ACSS3: variants seen among roughly 807,000 people sequenced by gnomAD.
ACSS3 encodes the protein acyl-CoA synthetase short-chain family member 3, mitochondrial.
ACSS3 carries 64 observed loss-of-function variants against 84.2 expected under a neutral mutation model. The observed-to-expected ratio is 0.76, with a 90% CI of 0.62 to 0.94. The LOEUF is 0.94. Among genes scored for constraint, ACSS3 ranks in the 40% least tolerant of loss-of-function variants. ACSS3 has a pLI of 0.00. For synonymous variants in ACSS3, 317 were observed against 310.1 expected (o/e 1.02, Z -0.23); for missense variants, 815 against 867.6 (o/e 0.94, Z 0.76).
intron 11 of ACSS3, among the ~76,000 whole-genome samples, chr12:81,226,535 C>T (rs769076593): frequency 1.3e-5 from 2 of 151,746 alleles, no homozygotes; most frequent in African/African-American, 4.8e-5. Flanking sequence ...TACTTGATAA[C>T]TCCATTTATG....
rs765167746 is a variant in ACSS3, at chr12:81,258,751, A to G, written c.*3829A>G. On this transcript the variant is annotated 3_prime_UTR_variant, in exon 16 of 16. Coordinates refer to ENST00000548058, the MANE Select transcript of ACSS3 (RefSeq NM_024560.4). ...AGGTATCTTGGGTTTCGTTTTCTCT[A>G]GTGGAAATGAGCCTCAGACTCTGCG... 14 of 152,096 alleles carry G rather than the reference A, an allele frequency of 9.2e-5. No individual in the cohort carries two copies. The highest frequency in any genetic ancestry group is 7.9e-4 in the Admixed American group (12 of 15,238). 9.4% of individuals were successfully genotyped at this position (152,096 alleles called of 1,614,324 possible).
intron 7 of ACSS3, among the ~76,000 whole-genome samples, chr12:81,163,441 T>A (rs936021469): frequency 2.0e-5 from 3 of 152,226 alleles, no homozygotes; most frequent in Non-Finnish European, 2.9e-5. Flanking sequence ...CATGCAATTA[T>A]GTGCAGCACA....
chr12:81,121,617 A>G (rs1283890420), intron 2 of ACSS3, among the ~76,000 whole-genome samples: 2 of 152,188 alleles, frequency 1.3e-5, no homozygotes, highest in African/African-American at 4.8e-5. Context: ...GAACAAACCC[A>G]CAAAGCTAAT....
chr12:81,183,402 G>T lies in ACSS3; in HGVS notation c.1250+8463G>T, dbSNP rs142951426. On this transcript the variant is annotated intron_variant, in intron 8 of 15. Coordinates refer to ENST00000548058, the MANE Select transcript of ACSS3 (RefSeq NM_024560.4). ...AAGGTAGACAACAAGAAAGGAAAAA[G>T]GAACACAGAAGCTACAAAATAACTA... Among the ~76,000 whole-genome samples the T allele has an allele frequency of 2.1e-3, 313 of 152,206 alleles. 5 individuals carry two copies. Among genetic ancestry groups the T allele is most frequent in the Non-Finnish European group, 2.4e-4 (16 of 67,966 alleles).
intron 8 of ACSS3, among the ~76,000 whole-genome samples, chr12:81,191,272 A>C (rs1329736903): frequency 6.6e-6 from 1 of 152,124 alleles, no homozygotes; most frequent in African/African-American, 2.4e-5. Flanking sequence ...ACATGTATCC[A>C]TCATTATAGC....
chr12:81,113,499 C>G (rs1883777639), intron 2 of ACSS3, among the ~76,000 whole-genome samples: 1 of 151,890 alleles, frequency 6.6e-6, no homozygotes, highest in Non-Finnish European at 1.5e-5. Context: ...TTTTATTTGT[C>G]TCTCTTTTTT....
chr12:81,236,063 A>ATTT (rs2033621033), intron 13 of ACSS3, among the ~76,000 whole-genome samples: 1 of 151,480 alleles, frequency 6.6e-6, no homozygotes, highest in Non-Finnish European at 1.5e-5. Context: ...TCTTAGGGTA[A>ATTT]AGGCAAGAAT....
Position 81,201,409 on chromosome 12 carries a change from A to G in ACSS3, c.1354+1965A>G, listed in dbSNP as rs559831285. On this transcript the variant is annotated intron_variant, in intron 9 of 15. Coordinates refer to ENST00000548058, the MANE Select transcript of ACSS3 (RefSeq NM_024560.4). ...GTGCCAAAACTCACTGAAGAAAACT[A>G]GCACATTCACAAATAAAATTATAAA... 1.8e-4 allele frequency among the ~76,000 whole-genome samples: 27 copies of G among 152,332 alleles called. 1 individual carries two copies. The highest frequency in any genetic ancestry group is 6.5e-4 in the African/African-American group (27 of 41,570).
rs1883255332 is a variant in ACSS3 at position 81,108,267 on chromosome 12, T to TATTATTATTATTA, written c.312-1292_312-1280dup. ...TGTGGCTATTATTATTATTATTAAT[T>TATTATTATTATTA]ATTATTATTATTATTATTATTGTTA... is the stretch of plus-strand genomic sequence containing the variant. On this transcript the variant is annotated intron_variant, in intron 1 of 15. Transcript: ENST00000548058. Among the ~76,000 whole-genome samples, 4 of 104,882 alleles carry TATTATTATTATTA rather than the reference T, an allele frequency of 3.8e-5. No homozygotes were observed. In the East Asian group the frequency reaches 1.3e-3, roughly 33 times the overall value. 68.8% of individuals were successfully genotyped at this position (104,882 alleles called of 152,430 possible). A position where few individuals can be genotyped will look rare whatever the true frequency, so the allele number is the denominator to read the frequency against.
rs925327124 is a variant in ACSS3 at position 81,222,324 on chromosome 12, G to A, written c.1514+2248G>A. Among the ~76,000 whole-genome samples the A allele has an allele frequency of 1.8e-4, 28 of 152,036 alleles. 1 individual carries two copies. The highest frequency in any genetic ancestry group is 3.4e-3 in the Middle Eastern group (1 of 292). ...AATCTTTTTGTATTAGAAAGGTAAG[G>A]TAGAAATAATCGGAAAACAAAGGTT... On this transcript the variant is annotated intron_variant, in intron 11 of 15. Coordinates refer to ENST00000548058, the MANE Select transcript of ACSS3 (RefSeq NM_024560.4).
At chr12:81,158,776 C>T (rs1052398528) in intron 7 of ACSS3, among the ~76,000 whole-genome samples, 1 of 152,110 alleles carries the variant, frequency 6.6e-6, no homozygotes, top group Non-Finnish European at 1.5e-5. Flanking sequence ...CTTGACCTCC[C>T]TGATTAGGTC....
At chr12:81,179,858 T>G (rs1182408616) in intron 8 of ACSS3, among the ~76,000 whole-genome samples, 3 of 151,580 alleles carry the variant, frequency 2.0e-5, no homozygotes, top group African/African-American at 7.3e-5. Context: ...TGAGACTAGG[T>G]CATTTATAAA....
chr12:81,132,262 T>A (rs891753840), intron 2 of ACSS3, among the ~76,000 whole-genome samples: 1 of 151,930 alleles, frequency 6.6e-6, no homozygotes, highest in Non-Finnish European at 1.5e-5. Flanking sequence ...GGTCCTGGAC[T>A]TTTTTTTGGT....
chr12:81,094,104 G>A (rs946557339), intron 1 of ACSS3, among the ~76,000 whole-genome samples: 5 of 150,640 alleles, frequency 3.3e-5, no homozygotes, highest in African/African-American at 1.2e-4. Flanking sequence ...TTTATAAATC[G>A]GCAGATAGAC....
intron 1 of ACSS3, among the ~76,000 whole-genome samples, chr12:81,099,672 G>A (rs889575969): frequency 2.0e-5 from 3 of 152,106 alleles, no homozygotes; most frequent in Admixed American, 1.3e-4. Flanking sequence ...ATTAAAAGCT[G>A]TCCGTTACTC....
intron 13 of ACSS3, among the ~76,000 whole-genome samples, chr12:81,237,391 C>T (rs2033664372): frequency 6.6e-6 from 1 of 151,468 alleles, no homozygotes; most frequent in African/African-American, 2.4e-5. Context: ...TATAGGAGCA[C>T]TGGTAAATTT....
chr12:81,251,668 C>CGAAAAAA (rs2034155851), intron 13 of ACSS3, among the ~76,000 whole-genome samples: 1 of 87,856 alleles, frequency 1.1e-5, no homozygotes. Context: ...CCCATCTCTA[C>CGAAAAAA]AAAAAAAAAA....
chr12:81,238,893 T>C (rs991252044), intron 13 of ACSS3, among the ~76,000 whole-genome samples: 3 of 151,754 alleles, frequency 2.0e-5, no homozygotes, highest in African/African-American at 7.2e-5. Context: ...TTTATTCTGC[T>C]TACTTTGAAT....
intron 4 of ACSS3, 91 bp from the exon 5 acceptor site, chr12:81,143,016 G>A: frequency 8.1e-7 from 1 of 1,227,656 alleles, no homozygotes; most frequent in Non-Finnish European, 1.1e-6. Flanking sequence ...TTTTCAGTCA[G>A]ATGCTCAGAC....
Sources: allele counts gnomAD v4.1 joint callset (sites outside exome capture counted in the v4.1 genomes callset), GRCh38; gene constraint gnomAD v4.1.1; transcripts MANE v1.5; gene names NCBI Gene and HGNC (gene_info 2026-07-23, HGNC 2026-07-21).